The following TLN2 variants were observed in gnomAD, a reference collection of about 807,000 sequenced individuals.
TLN2 encodes the protein talin 2.
In TLN2, 118 loss-of-function variants were observed where a neutral mutation model predicts 294.7. The observed-to-expected ratio is 0.40, with a 90% CI of 0.34 to 0.47. The LOEUF is 0.47. Ranked by LOEUF, TLN2 falls within the 20% of genes least tolerant of loss-of-function variation. TLN2 has a pLI of 0.84. For synonymous variants in TLN2, 1,431 were observed against 1,304.5 expected (o/e 1.10, Z -2.09); for missense variants, 3,083 against 3,282.2 (o/e 0.94, Z 1.48).
rs1008585177 is a variant in TLN2, at chr15:62,796,336, C to A, written c.6050+43C>A. 14 of 1,564,680 alleles carry A rather than the reference C, an allele frequency of 8.9e-6. No individual in the cohort carries two copies. The African/African-American group carries it at 1.9e-4, about 21-fold the overall frequency. ...ACGGGGAGAGGTTCAGGCTGGCCTG[C>A]CCCTGAAACTCATGATCGACTTGGA... On this transcript the variant is annotated intron_variant, in intron 47 of 58. Coordinates refer to ENST00000636159, the MANE Select transcript of TLN2 (RefSeq NM_015059.3).
intron 1 of TLN2, among the ~76,000 whole-genome samples, chr15:62,413,743 A>G (rs557270404): frequency 1.3e-5 from 2 of 152,332 alleles, no homozygotes; most frequent in Admixed American, 6.5e-5. Flanking sequence ...AAAGGGCTCC[A>G]GTGCAGAGGC....
chr15:62,425,756 G>C (rs1048384015), intron 1 of TLN2, among the ~76,000 whole-genome samples: 46 of 152,190 alleles, frequency 3.0e-4, no homozygotes, highest in African/African-American at 1.1e-3. Flanking sequence ...TGGAGTTTCA[G>C]CCTGCCTGCC....
intron 1 of TLN2, among the ~76,000 whole-genome samples, chr15:62,521,915 G>A (rs1394982363): frequency 6.6e-6 from 1 of 152,168 alleles, no homozygotes; most frequent in Non-Finnish European, 1.5e-5. Context: ...AGTCAGGTTG[G>A]AATTTGGTAT....
intron 1 of TLN2, among the ~76,000 whole-genome samples, chr15:62,442,040 A>G (rs1046184950): frequency 6.6e-6 from 1 of 152,142 alleles, no homozygotes; most frequent in African/African-American, 2.4e-5. Flanking sequence ...GAGTTGTTCT[A>G]ACAAATTAAG....
At chr15:62,409,853 T>C (rs2033656748) in intron 1 of TLN2, among the ~76,000 whole-genome samples, 1 of 152,238 alleles carries the variant, frequency 6.6e-6, no homozygotes, top group South Asian at 2.1e-4. Context: ...TTCTGTGCTT[T>C]GCAGATGTTT....
chr15:62,660,278 T>G (rs2053672453), intron 9 of TLN2, among the ~76,000 whole-genome samples: 1 of 152,234 alleles, frequency 6.6e-6, no homozygotes, highest in South Asian at 2.1e-4. Context: ...TCCAGTGATT[T>G]CTGGATTTGT....
At chr15:62,777,111 T>G (rs2063770356) in intron 43 of TLN2, among the ~76,000 whole-genome samples, 1 of 152,220 alleles carries the variant, frequency 6.6e-6, no homozygotes, top group South Asian at 2.1e-4. Context: ...CAGTTGTGCC[T>G]TCTAATTTTA....
In TLN2 at chr15:62,796,283, G is replaced by T; in HGVS notation, c.6040G>T (p.Ala2014Ser). The T allele has an allele frequency of 4.3e-6, 7 of 1,613,564 alleles. No individual in the cohort carries two copies. Among genetic ancestry groups the T allele is most frequent in the Non-Finnish European group, 5.9e-6 (7 of 1,179,760 alleles). ...GAATGCAGAGAACAGTGAGACCTTC[G>T]CAGACCACAGGTACGTGGGGGTCCT... is the stretch of plus-strand genomic sequence containing the variant. Reference protein sequence around the residue: ...TLNAENSETFADHRENILKTA... With the variant: ...TLNAENSETFSDHRENILKTA... Residue 2014 changes from alanine to serine, a missense_variant, in exon 47 of 59, where the codon GCA (alanine) becomes TCA (serine). Coordinates refer to ENST00000636159, the MANE Select transcript of TLN2 (RefSeq NM_015059.3).
chr15:62,651,374 ACT>A lies in TLN2; in HGVS notation c.235-628_235-627del, dbSNP rs1157266204. Among the ~76,000 whole-genome samples the A allele has an allele frequency of 2.6e-5, 4 of 151,930 alleles. No individual in the cohort carries two copies. The East Asian group carries it at 7.7e-4, about 29-fold the overall frequency. On this transcript the variant is annotated intron_variant, in intron 5 of 58. Transcript: ENST00000636159. ...AGCACTGGAGAAAAAATTGAAGGTG[ACT>A]CTAGGTGACAGATATAGAATGTTCA... is the stretch of plus-strand genomic sequence containing the variant.
rs542538806 is a variant in TLN2 at position 62,678,622 on chromosome 15, G to C, written c.957+3301G>C. On this transcript the variant is annotated intron_variant, in intron 11 of 58. Coordinates refer to ENST00000636159, the MANE Select transcript of TLN2 (RefSeq NM_015059.3). ...AGGGCAGGCAGATCACTTGAGGTCA[G>C]GAGTTCGAGACCAGCCTGGCCAACA... Among the ~76,000 whole-genome samples the C allele has an allele frequency of 3.3e-5, 5 of 152,280 alleles. No individual in the cohort carries two copies. In the East Asian group the frequency reaches 7.7e-4, roughly 23 times the overall value.
intron 1 of TLN2, among the ~76,000 whole-genome samples, chr15:62,487,496 A>G (rs1251751930): frequency 6.6e-6 from 1 of 152,124 alleles, no homozygotes; most frequent in Non-Finnish European, 1.5e-5. Context: ...TGGGCATTTG[A>G]CCTTGCTGAC....
intron 1 of TLN2, among the ~76,000 whole-genome samples, chr15:62,478,938 A>C (rs1424959751): frequency 1.3e-5 from 2 of 152,234 alleles, no homozygotes; most frequent in African/African-American, 2.4e-5. Flanking sequence ...CCCGGCTTCC[A>C]TGGCCAGGTA....
chr15:62,519,156 A>G (rs921311461), intron 1 of TLN2, among the ~76,000 whole-genome samples: 11 of 152,220 alleles, frequency 7.2e-5, no homozygotes, highest in Admixed American at 2.0e-4. Context: ...GGTGGAGTCC[A>G]CAGTATTGAC....
At chr15:62,830,921 A>T (rs2068767388) in intron 54 of TLN2, 1 of 152,006 alleles carries the variant, frequency 6.6e-6, no homozygotes, top group Non-Finnish European at 1.5e-5. Context: ...AAGCATAGAG[A>T]TGTTGTGGGA....
intron 36 of TLN2, chr15:62,755,195 G>A (rs1438335747): frequency 5.2e-6 from 1 of 193,278 alleles, no homozygotes; most frequent in Admixed American, 6.1e-5. Context: ...TTAAAATTGG[G>A]TATGTGTAGA....
At chr15:62,654,754 CAAAAAAAAAAAA>C (rs59006343) in intron 7 of TLN2, among the ~76,000 whole-genome samples, 2 of 33,854 alleles carry the variant, frequency 5.9e-5, no homozygotes, top group Admixed American at 5.2e-4. Flanking sequence ...GACTCTGCCT[CAAAAAAAAAAAA>C]AAAAAAAAAA....
chr15:62,404,551 C>A (rs1247703327), intron 1 of TLN2, among the ~76,000 whole-genome samples: 2 of 152,152 alleles, frequency 1.3e-5, no homozygotes, highest in Admixed American at 1.3e-4. Flanking sequence ...AAAGCATTCT[C>A]GTCCTGTGTT....
intron 1 of TLN2, among the ~76,000 whole-genome samples, chr15:62,546,543 G>T (rs1411362919): frequency 1.3e-5 from 2 of 152,198 alleles, no homozygotes; most frequent in Non-Finnish European, 2.9e-5. Flanking sequence ...TGGCTTCTCA[G>T]GAGATAGTCT....
chr15:62,753,687 C>G (rs1014255250), intron 35 of TLN2, 86 bp from the exon 36 acceptor site: 65 of 1,470,014 alleles, frequency 4.4e-5, no homozygotes, highest in Non-Finnish European at 5.6e-5. Flanking sequence ...AGTGTGACAG[C>G]TGCATGTGTA....
Sources: allele counts gnomAD v4.1 joint callset (sites outside exome capture counted in the v4.1 genomes callset), GRCh38; gene constraint gnomAD v4.1.1; transcripts MANE v1.5; gene names NCBI Gene and HGNC (gene_info 2026-07-23, HGNC 2026-07-21).